DNER: variants seen among roughly 807,000 people sequenced by gnomAD.
DNER encodes delta/notch like EGF repeat containing.
DNER carries 33 observed loss-of-function variants against 78.2 expected under a neutral mutation model. The observed-to-expected ratio is 0.42, with a 90% CI of 0.32 to 0.56. The LOEUF is 0.56. DNER is among the 20% of genes least tolerant of loss of function. The probability of loss-of-function intolerance (pLI) is 0.11; values close to 1 mark genes in which losing one functional copy is unlikely to be tolerated. For missense variants in DNER, 918 were observed against 975.3 expected, an observed-to-expected ratio of 0.94 and a Z score of 0.78; for synonymous variants, 417 against 384.8, an observed-to-expected ratio of 1.08 and a Z score of -0.98.
chr2:229,517,878 C>A (rs1456195265), intron 5 of DNER, among the ~76,000 whole-genome samples: 2 of 152,128 alleles, frequency 1.3e-5, no homozygotes, highest in Admixed American at 1.3e-4. Flanking sequence ...CTTGAGAAAC[C>A]CTGATATAGG....
rs563086198 is a variant in DNER at position 229,513,159 on chromosome 2, C to T, written c.994-223G>A. 1.2e-4 allele frequency among the ~76,000 whole-genome samples: 19 copies of T among 152,200 alleles called. 1 individual carries two copies. In the South Asian group the frequency reaches 3.1e-3, roughly 25 times the overall value. On this transcript the variant is annotated intron_variant, in intron 5 of 12. Coordinates refer to ENST00000341772, the MANE Select transcript of DNER (RefSeq NM_139072.4). ...TTTCTATTCTTTGTTCATATTTATC[C>T]CCGTCATTTTCGATCTTCCTAAAAT...
intron 1 of DNER, among the ~76,000 whole-genome samples, chr2:229,621,964 T>TA (rs1698258288): frequency 6.6e-6 from 1 of 152,136 alleles, no homozygotes; most frequent in African/African-American, 2.4e-5. Flanking sequence ...CAGGTGCCTG[T>TA]AGTCCCAGCT....
intron 1 of DNER, among the ~76,000 whole-genome samples, chr2:229,638,072 T>C (rs1698556967): frequency 1.3e-5 from 2 of 152,238 alleles, no homozygotes; most frequent in East Asian, 1.9e-4. Context: ...AACAATCCTT[T>C]AAAACCAAAG....
chr2:229,526,581 C>T (rs559405287), intron 5 of DNER, among the ~76,000 whole-genome samples: 2 of 152,346 alleles, frequency 1.3e-5, no homozygotes, highest in South Asian at 4.1e-4. Flanking sequence ...TTAGCTAGAT[C>T]CTCATAAGGA....
intron 1 of DNER, among the ~76,000 whole-genome samples, chr2:229,613,972 A>G (rs1698100405): frequency 6.6e-6 from 1 of 151,060 alleles, no homozygotes; most frequent in African/African-American, 2.4e-5. Context: ...TGGGAATTGA[A>G]CAATGAGAAC....
intron 6 of DNER, among the ~76,000 whole-genome samples, chr2:229,497,691 A>T (rs1244577626): frequency 6.6e-6 from 1 of 152,136 alleles, no homozygotes; most frequent in East Asian, 1.9e-4. Context: ...CCAGTAATAC[A>T]CCAACAAATT....
intron 4 of DNER, among the ~76,000 whole-genome samples, chr2:229,577,165 C>A (rs1697317906): frequency 6.6e-6 from 1 of 152,112 alleles, no homozygotes; most frequent in South Asian, 2.1e-4. Context: ...CAATGTACAA[C>A]CAAGGGGCCA....
At chr2:229,709,863 A>T (rs1264325864) in intron 1 of DNER, among the ~76,000 whole-genome samples, 2 of 152,198 alleles carry the variant, frequency 1.3e-5, no homozygotes, top group Non-Finnish European at 2.9e-5. Flanking sequence ...TACAAATGTA[A>T]ATAGCCCCTT....
At chr2:229,392,730 C>T (rs1343937749) in intron 10 of DNER, among the ~76,000 whole-genome samples, 1 of 152,110 alleles carries the variant, frequency 6.6e-6, no homozygotes, top group African/African-American at 2.4e-5. Context: ...GCACAACTAT[C>T]CCTAGAGTAA....
intron 1 of DNER, among the ~76,000 whole-genome samples, chr2:229,640,870 A>C (rs1260865705): frequency 6.6e-6 from 1 of 152,166 alleles, no homozygotes. Context: ...CCTGAACAAC[A>C]CTGAGTTGCG....
chr2:229,414,576 C>T (rs1693601539), intron 9 of DNER, among the ~76,000 whole-genome samples: 2 of 152,316 alleles, frequency 1.3e-5, no homozygotes, highest in South Asian at 4.1e-4. Flanking sequence ...ATGTTTAACA[C>T]ACTTGTATGC....
intron 6 of DNER, among the ~76,000 whole-genome samples, chr2:229,511,492 T>C (rs1378006676): frequency 6.6e-6 from 1 of 152,196 alleles, no homozygotes; most frequent in Non-Finnish European, 1.5e-5. Flanking sequence ...CTCAATGTGC[T>C]CTGAGGATTT....
In DNER at chr2:229,620,002, T is replaced by C. The variant is rs1698227298; in HGVS notation, c.277-28114A>G. 3.9e-5 allele frequency among the ~76,000 whole-genome samples: 6 copies of C among 152,208 alleles called. 1 individual carries two copies. In the South Asian group the frequency reaches 1.2e-3, roughly 32 times the overall value. On this transcript the variant is annotated intron_variant, in intron 1 of 12. Coordinates refer to ENST00000341772, the MANE Select transcript of DNER (RefSeq NM_139072.4). Reference sequence around the variant, plus strand: ...AAGCAATTAAGTATTCTTTTATTATTATGAAGCTGAGAGGAAGTGAAAAAT... The same window carrying C: ...AAGCAATTAAGTATTCTTTTATTATCATGAAGCTGAGAGGAAGTGAAAAAT...
intron 4 of DNER, among the ~76,000 whole-genome samples, chr2:229,583,251 A>C (rs1264248311): frequency 1.3e-5 from 2 of 152,244 alleles, no homozygotes; most frequent in African/African-American, 2.4e-5. Flanking sequence ...GTGTAAACTG[A>C]AAATACTGTA....
chr2:229,517,617 A>G lies in DNER; in HGVS notation c.994-4681T>C, dbSNP rs1696006297. 1.3e-5 allele frequency among the ~76,000 whole-genome samples: 2 copies of G among 152,210 alleles called. 1 individual carries two copies. The highest frequency in any genetic ancestry group is 4.1e-4 in the South Asian group (2 of 4,832). On this transcript the variant is annotated intron_variant, in intron 5 of 12. Transcript: ENST00000341772. ...CGCTAGAGTATAGCAAATAACAGAG[A>G]GAACACTGTAACGTGAGAGGTCACT...
intron 7 of DNER, among the ~76,000 whole-genome samples, chr2:229,451,051 T>C (rs989634666): frequency 4.6e-5 from 7 of 152,216 alleles, no homozygotes; most frequent in Admixed American, 2.6e-4. Flanking sequence ...AAAACAGGGC[T>C]GAAACTGTTT....
intron 4 of DNER, among the ~76,000 whole-genome samples, chr2:229,577,697 G>T (rs948113407): frequency 6.6e-6 from 1 of 151,926 alleles, no homozygotes; most frequent in Non-Finnish European, 1.5e-5. Context: ...CTGATCCAAA[G>T]GAGAATATTC....
At chr2:229,564,214 A>ATCC (rs1385983035) in intron 4 of DNER, among the ~76,000 whole-genome samples, 1 of 145,708 alleles carries the variant, frequency 6.9e-6, no homozygotes, top group East Asian at 2.1e-4. Flanking sequence ...TATCATCATC[A>ATCC]TCCTCCTCAC....
chr2:229,692,078 T>C (rs968078132), intron 1 of DNER, among the ~76,000 whole-genome samples: 1 of 152,176 alleles, frequency 6.6e-6, no homozygotes, highest in African/African-American at 2.4e-5. Context: ...TAAGTTGAGC[T>C]CCCAGACACT....
Sources: gnomAD v4.1 joint callset for allele counts (sites outside exome capture counted in the v4.1 genomes callset) on GRCh38, gnomAD v4.1.1 for gene constraint, MANE v1.5 for transcripts, NCBI Gene and HGNC (gene_info 2026-07-23, HGNC 2026-07-21) for gene names.